Variants in BRIP1 observed in about 807,000 individuals in gnomAD.
The protein encoded by BRIP1 is BRCA1 interacting DNA helicase 1.
BRIP1 carries 88 observed loss-of-function variants against 119.7 expected under a neutral mutation model. That is an observed-to-expected ratio of 0.74 (90% confidence interval 0.62 to 0.88). The LOEUF is 0.88. BRIP1 is among the 40% of genes least tolerant of loss of function. The pLI, the probability that BRIP1 is intolerant of heterozygous loss-of-function variation, is 0.00. For synonymous variants in BRIP1, 443 were observed against 496.5 expected (o/e 0.89, Z 1.43); for missense variants, 1,259 against 1,455.4 (o/e 0.87, Z 2.20).
intron 10 of BRIP1, among the ~76,000 whole-genome samples, chr17:61,788,556 A>G (rs1382664023): frequency 6.6e-6 from 1 of 152,240 alleles, no homozygotes; most frequent in Non-Finnish European, 1.5e-5. Context: ...GATATGCCCT[A>G]CTATATATAA....
chr17:61,743,276 T>C lies in BRIP1; in HGVS notation c.2258-142A>G. 8.7e-7 allele frequency: 1 copy of C among 1,153,278 alleles called. No individual in the cohort carries two copies. Among genetic ancestry groups the C allele is most frequent in the Non-Finnish European group, 1.2e-6 (1 of 808,554 alleles). The allele number at this position is 1,153,278 out of a possible 1,614,324, so 71.4% of individuals were successfully genotyped here. A position where few individuals can be genotyped will look rare whatever the true frequency, so the allele number is the denominator to read the frequency against. On this transcript the variant is annotated intron_variant, in intron 15 of 19. Coordinates refer to ENST00000259008, the MANE Select transcript of BRIP1 (RefSeq NM_032043.3). The surrounding 1 kb of genome is among the most constrained non-coding windows in gnomAD (Gnocchi z 4.3). The stretch of plus-strand genomic sequence containing the variant: ...ATAAAACACTATTATGAGATAAAGT[T>C]TTAAAAGTTCAATGTCTTTAAGTAA...
chr17:61,685,917 A>AT lies in BRIP1; in HGVS notation c.2823dup (p.Cys942MetfsTer9), dbSNP rs767549540. On this transcript the variant is annotated frameshift_variant, in exon 19 of 20. Coordinates refer to ENST00000259008, the MANE Select transcript of BRIP1 (RefSeq NM_032043.3). LOFTEE classifies it high-confidence loss of function. ...TTAGGACACTGTAGTTCCTGGACACATATCTTTGCTTCATCTTCCACAAAA... is the reference window on the plus strand; with the variant it reads ...TTAGGACACTGTAGTTCCTGGACACATTATCTTTGCTTCATCTTCCACAAAA... The AT allele has an allele frequency of 6.2e-7, 1 of 1,614,082 alleles. No homozygotes were observed. The highest frequency in any genetic ancestry group is 2.2e-5 in the East Asian group (1 of 44,870).
rs1485659116 is a variant in BRIP1 at position 61,680,510 on chromosome 17, C to T, written c.*2786G>A. 1.6e-5 allele frequency among the ~76,000 whole-genome samples: 2 copies of T among 122,074 alleles called. No homozygotes were observed. Among genetic ancestry groups the T allele is most frequent in the Non-Finnish European group, 1.6e-5 (1 of 62,088 alleles). The allele number at this position is 122,074 out of a possible 152,430, so 80.1% of individuals were successfully genotyped here. A position where few individuals can be genotyped will look rare whatever the true frequency, so the allele number is the denominator to read the frequency against. On this transcript the variant is annotated 3_prime_UTR_variant, in exon 20 of 20. Coordinates refer to ENST00000259008, the MANE Select transcript of BRIP1 (RefSeq NM_032043.3). ...TTTTTTTTTTTTTGAGACGGAGTCC[C>T]GCTCTGTCGCCCAGGCTGGAGTGCA...
Position 61,795,183 on chromosome 17 carries a change from C to T in BRIP1, c.1341-1454G>A, listed in dbSNP as rs1251745958. On this transcript the variant is annotated intron_variant, in intron 9 of 19. Coordinates refer to ENST00000259008, the MANE Select transcript of BRIP1 (RefSeq NM_032043.3). The surrounding 1 kb of genome is among the most constrained non-coding windows in gnomAD (Gnocchi z 5.6). ...ATACAGGCATGCAATATGTAATAAT[C>T]ACATCATGGAAGATGGGGTATCCAT... Among the ~76,000 whole-genome samples, 1 of 151,958 alleles carries T rather than the reference C, an allele frequency of 6.6e-6. No individual in the cohort carries two copies. The highest frequency in any genetic ancestry group is 1.5e-5 in the Non-Finnish European group (1 of 67,960).
chr17:61,755,694 T>C lies in BRIP1; in HGVS notation c.2098-11103A>G, dbSNP rs1487073801. On this transcript the variant is annotated intron_variant, in intron 14 of 19. Coordinates refer to ENST00000259008, the MANE Select transcript of BRIP1 (RefSeq NM_032043.3). This position sits in a 1 kb window ranked among gnomAD's most constrained non-coding sequence, Gnocchi z 4.5. ...TAGCTAGACTAGACTAGTTTTCTCT[T>C]GGTGAGACTTTGTTCATTCATTCCT... Among the ~76,000 whole-genome samples the C allele has an allele frequency of 6.6e-6, 1 of 152,216 alleles. No homozygotes were observed. Among genetic ancestry groups the C allele is most frequent in the Non-Finnish European group, 1.5e-5 (1 of 68,040 alleles).
At chr17:61,826,457 C>T (rs2078408835) in intron 6 of BRIP1, among the ~76,000 whole-genome samples, 1 of 152,090 alleles carries the variant, frequency 6.6e-6, no homozygotes. Context: ...AGTAAACAGA[C>T]AACCTACAGA....
At chr17:61,732,169 G>A (rs1017766946) in intron 16 of BRIP1, among the ~76,000 whole-genome samples, 1 of 151,570 alleles carries the variant, frequency 6.6e-6, no homozygotes, top group African/African-American at 2.4e-5. Flanking sequence ...TTAGTAGAGA[G>A]AGAGAGTTTC....
Position 61,683,493 on chromosome 17 carries a change from C to T in BRIP1, c.3553G>A (p.Val1185Met), listed in dbSNP as rs1567727691. 6.2e-7 allele frequency: 1 copy of T among 1,613,580 alleles called. No homozygotes were observed. Among genetic ancestry groups the T allele is most frequent in the South Asian group, 1.1e-5 (1 of 91,062 alleles). The change falls in exon 20 of 20, where the codon GTG becomes ATG. Residue 1185 changes from valine (V) to methionine (M), a missense_variant. Physicochemically the swap from Val to Met is conservative, Grantham distance 21 (BLOSUM62 1). This residue lies in a region of BRIP1 where 753 missense variants were observed against 891.8 expected (regional missense o/e 0.84). Transcript: ENST00000259008. This position sits in a 1 kb window ranked among gnomAD's most constrained non-coding sequence, Gnocchi z 4.7. ...TIKEVDSARE[V>M]KAEDCIDTKL... ...GTATCTATGCAATCCTCAGCTTTCA[C>T]TTCTCTGGCTGAATCTACTTCTTTT...
In BRIP1 at chr17:61,812,118, T is replaced by C. The variant is rs1459845561; in HGVS notation, c.628-3361A>G. Among the ~76,000 whole-genome samples the C allele has an allele frequency of 2.0e-5, 3 of 152,264 alleles. No homozygotes were observed. In the East Asian group the frequency reaches 5.8e-4, roughly 29 times the overall value. On this transcript the variant is annotated intron_variant, in intron 6 of 19. Transcript: ENST00000259008. ...TCTAAGAAAACTAGAGGAAGGATCCTGATGCCAGCAGTGTCAGGAGGTCAG... is the reference window on the plus strand; with the variant it reads ...TCTAAGAAAACTAGAGGAAGGATCCCGATGCCAGCAGTGTCAGGAGGTCAG...
rs896508307 is a variant in BRIP1 at position 61,704,086 on chromosome 17, T to C, written c.2493-10574A>G. On this transcript the variant is annotated intron_variant, in intron 17 of 19. Coordinates refer to ENST00000259008, the MANE Select transcript of BRIP1 (RefSeq NM_032043.3). The surrounding 1 kb of genome is among the most constrained non-coding windows in gnomAD (Gnocchi z 5.7). ...TAAAAGGTAGGGGGTGCAGTTTCAT[T>C]CTTTTGCATACAGCAAGCCAGTTAC... Among the ~76,000 whole-genome samples the C allele has an allele frequency of 1.3e-5, 2 of 152,204 alleles. No individual in the cohort carries two copies. Among genetic ancestry groups the C allele is most frequent in the Admixed American group, 6.5e-5 (1 of 15,268 alleles).
At chr17:61,838,242 C>T (rs1056455744) in intron 6 of BRIP1, among the ~76,000 whole-genome samples, 1 of 151,980 alleles carries the variant, frequency 6.6e-6, no homozygotes, top group Non-Finnish European at 1.5e-5. Flanking sequence ...GAAAAGCGTC[C>T]TTAGAATTTA....
At chr17:61,747,918 T>G (rs1054586117) in intron 14 of BRIP1, among the ~76,000 whole-genome samples, 40 of 151,422 alleles carry the variant, frequency 2.6e-4, no homozygotes, top group Admixed American at 2.0e-3. Context: ...TTTTTTTTTT[T>G]GTAGGTATGG....
rs546397801 is a variant in BRIP1, at chr17:61,724,199, G to A, written c.2380-8136C>T. ...AGGCATTGATAATTAAGACTGAGGC[G>A]GTTTAGAATTGGGTAAAAATACCCA... On this transcript the variant is annotated intron_variant, in intron 16 of 19. Transcript: ENST00000259008. The surrounding 1 kb of genome is among the most constrained non-coding windows in gnomAD (Gnocchi z 5.1). Among the ~76,000 whole-genome samples the A allele has an allele frequency of 1.4e-4, 22 of 152,032 alleles. No homozygotes were observed. The East Asian group carries it at 3.7e-3, about 25-fold the overall frequency.
rs75821486 is a variant in BRIP1, at chr17:61,853,387, C to T, written c.379+3671G>A. ...TCTGGGGTGTTGGTAATGTCTCTCT[C>T]TTTTTTTTTTAATCTATGTAGTAGT... On this transcript the variant is annotated intron_variant, in intron 4 of 19. Transcript: ENST00000259008. The surrounding 1 kb of genome is among the most constrained non-coding windows in gnomAD (Gnocchi z 4.3). Among the ~76,000 whole-genome samples the T allele has an allele frequency of 2.8e-5, 3 of 105,552 alleles. No homozygotes were observed. The highest frequency in any genetic ancestry group is 4.1e-4 in the East Asian group (1 of 2,430). 69.2% of individuals were successfully genotyped at this position (105,552 alleles called of 152,430 possible).
rs1013048856 is a variant in BRIP1, at chr17:61,841,413, A to G, written c.627+5688T>C. On this transcript the variant is annotated intron_variant, in intron 6 of 19. Transcript: ENST00000259008. This position sits in a 1 kb window ranked among gnomAD's most constrained non-coding sequence, Gnocchi z 4.1. The stretch of plus-strand genomic sequence containing the variant: ...AAAGGGTGTGAATAAACATTTCTCA[A>G]AAGATACATAAAGCCAACAAGAACA... 3.3e-5 allele frequency among the ~76,000 whole-genome samples: 5 copies of G among 152,198 alleles called. No individual in the cohort carries two copies. The highest frequency in any genetic ancestry group is 6.5e-5 in the Admixed American group (1 of 15,268).
In BRIP1 at chr17:61,748,729, T is replaced by C. The variant is rs2077091606; in HGVS notation, c.2098-4138A>G. Among the ~76,000 whole-genome samples, 1 of 152,212 alleles carries C rather than the reference T, an allele frequency of 6.6e-6. No homozygotes were observed. The highest frequency in any genetic ancestry group is 1.5e-5 in the Non-Finnish European group (1 of 68,036). ...AATACATAATGGGGAAAGGACAGTC[T>C]CTTCAACAAATAGTTCAGGGCAAAC... On this transcript the variant is annotated intron_variant, in intron 14 of 19. Transcript: ENST00000259008. The surrounding 1 kb of genome is among the most constrained non-coding windows in gnomAD (Gnocchi z 4.7).
chr17:61,720,467 T>C lies in BRIP1; in HGVS notation c.2380-4404A>G, dbSNP rs7342968. On this transcript the variant is annotated intron_variant, in intron 16 of 19. Transcript: ENST00000259008. The surrounding 1 kb of genome is among the most constrained non-coding windows in gnomAD (Gnocchi z 4.3). ...TTTCAAGATATATTAACAAAACTTA[T>C]ACAGCAGTTCCCTCTTATCTGCAGT... Among the ~76,000 whole-genome samples the C allele has an allele frequency of 4.4e-3, 673 of 152,362 alleles. 3 individuals carry two copies. The highest frequency in any genetic ancestry group is 0.015 in the African/African-American group (633 of 41,588).
chr17:61,778,705 A>C lies in BRIP1; in HGVS notation c.1935+1556T>G, dbSNP rs556767277. Among the ~76,000 whole-genome samples, 4 of 152,212 alleles carry C rather than the reference A, an allele frequency of 2.6e-5. No homozygotes were observed. The highest frequency in any genetic ancestry group is 5.9e-5 in the Non-Finnish European group (4 of 68,044). ...CCATATTTATCTGTGTCTCTAAAGA[A>C]AGCAACTTGAAAACGTGGAACATGT... On this transcript the variant is annotated intron_variant, in intron 13 of 19. Coordinates refer to ENST00000259008, the MANE Select transcript of BRIP1 (RefSeq NM_032043.3). This position sits in a 1 kb window ranked among gnomAD's most constrained non-coding sequence, Gnocchi z 4.4.
At chr17:61,747,082 A>G (rs1396947659) in intron 14 of BRIP1, among the ~76,000 whole-genome samples, 1 of 152,194 alleles carries the variant, frequency 6.6e-6, no homozygotes, top group East Asian at 1.9e-4. Context: ...TGAACAACCA[A>G]TGAATGGGTC....
Sources: allele counts gnomAD v4.1 joint callset (sites outside exome capture counted in the v4.1 genomes callset), GRCh38; gene constraint gnomAD v4.1.1; regional missense constraint gnomAD v4.1.1; non-coding constraint Gnocchi (gnomAD v3.1); transcripts MANE v1.5; gene names NCBI Gene and HGNC (gene_info 2026-07-23, HGNC 2026-07-21).